Variants in GRIK1 observed in about 807,000 individuals in gnomAD.
The protein encoded by GRIK1 is glutamate receptor ionotropic, kainate 1.
Under a neutral mutation model 105.7 loss-of-function variants are expected in GRIK1, and 69 were observed. The observed-to-expected ratio is 0.65, with a 90% CI of 0.54 to 0.80. The LOEUF is 0.80. Ranked by LOEUF, GRIK1 falls within the 30% of genes least tolerant of loss-of-function variation. GRIK1 has a pLI of 0.00. For missense variants in GRIK1, 1,109 were observed against 1,167.3 expected, an observed-to-expected ratio of 0.95 and a Z score of 0.73; for synonymous variants, 438 against 431.3, an observed-to-expected ratio of 1.02 and a Z score of -0.19.
intron 3 of GRIK1, among the ~76,000 whole-genome samples, chr21:29,678,553 G>A (rs1177360901): frequency 6.6e-6 from 1 of 152,126 alleles, no homozygotes; most frequent in Admixed American, 6.5e-5. Flanking sequence ...TCTAAATATT[G>A]GTTTCCTGGG....
chr21:29,866,465 A>G (rs558536075), intron 1 of GRIK1, among the ~76,000 whole-genome samples: 1 of 152,204 alleles, frequency 6.6e-6, no homozygotes, highest in African/African-American at 2.4e-5. Flanking sequence ...AATGGAAGTT[A>G]GAAACAAAAT....
At position 29,781,798 on chromosome 21, in the gene GRIK1, G is replaced by A. The variant is rs2066116161; in HGVS notation, c.119-87735C>T. ...CCATTCTCCTGCCTCAGCCTCCCCA[G>A]TAGCTGGGACTACAGGCGCCCGCCA... On this transcript the variant is annotated intron_variant, in intron 1 of 17. Transcript: ENST00000327783. Among the ~76,000 whole-genome samples the A allele has an allele frequency of 3.5e-5, 5 of 143,944 alleles. No homozygotes were observed. In the South Asian group the frequency reaches 1.2e-3, roughly 35 times the overall value. 94.4% of individuals were successfully genotyped at this position (143,944 alleles called of 152,430 possible).
At chr21:29,580,676 T>G (rs1455148861) in intron 13 of GRIK1, among the ~76,000 whole-genome samples, 1 of 152,130 alleles carries the variant, frequency 6.6e-6, no homozygotes, top group Non-Finnish European at 1.5e-5. Flanking sequence ...ACACAACAGT[T>G]TCTGTGACTT....
At chr21:29,706,393 C>T (rs73354517) in intron 1 of GRIK1, among the ~76,000 whole-genome samples, 1,792 of 152,228 alleles carry the variant, frequency 0.012, 14 homozygotes, top group African/African-American at 0.025. Context: ...ACATTTACCA[C>T]GACACTTTTC....
intron 3 of GRIK1, 65 bp from the exon 4 acceptor site, chr21:29,673,229 T>C: frequency 8.8e-7 from 1 of 1,139,176 alleles, no homozygotes; most frequent in Non-Finnish European, 1.3e-6. Context: ...TTTATTGCCA[T>C]TTAGTTAAAC....
chr21:29,833,151 T>C (rs1006098902), intron 1 of GRIK1, among the ~76,000 whole-genome samples: 1 of 152,224 alleles, frequency 6.6e-6, no homozygotes, highest in African/African-American at 2.4e-5. Context: ...CCTGATAAGT[T>C]CCTCATCTCC....
chr21:29,735,121 A>G (rs1049032739), intron 1 of GRIK1, among the ~76,000 whole-genome samples: 1 of 152,174 alleles, frequency 6.6e-6, no homozygotes, highest in Non-Finnish European at 1.5e-5. Context: ...CCATCTCCCC[A>G]ACAAGAACAT....
intron 7 of GRIK1, among the ~76,000 whole-genome samples, chr21:29,640,940 T>G (rs765629403): frequency 1.3e-5 from 2 of 152,204 alleles, no homozygotes; most frequent in Non-Finnish European, 2.9e-5. Flanking sequence ...GTTGTTGTTG[T>G]TGTTGTTGCC....
intron 9 of GRIK1, among the ~76,000 whole-genome samples, chr21:29,592,927 T>C (rs1182299598): frequency 2.6e-5 from 4 of 152,182 alleles, no homozygotes; most frequent in Non-Finnish European, 5.9e-5. Flanking sequence ...CTATGCTTGG[T>C]CCCTAAATAT....
intron 1 of GRIK1, among the ~76,000 whole-genome samples, chr21:29,882,665 A>C (rs1227266153): frequency 3.9e-5 from 6 of 152,124 alleles, no homozygotes; most frequent in Admixed American, 3.9e-4. Flanking sequence ...AACCGAAATG[A>C]GGGTCCTTGG....
chr21:29,643,504 A>G (rs962520431), intron 6 of GRIK1, among the ~76,000 whole-genome samples: 2 of 152,244 alleles, frequency 1.3e-5, no homozygotes, highest in African/African-American at 4.8e-5. Flanking sequence ...CATGGAATGA[A>G]ACTCAACGGC....
chr21:29,830,313 ACACAC>A (rs1290614965), intron 1 of GRIK1, among the ~76,000 whole-genome samples: 10,829 of 114,576 alleles, frequency 0.095, 528 homozygotes, highest in Non-Finnish European at 0.11. Context: ...CTCCCCACAC[ACACAC>A]ACACACACAC....
chr21:29,911,827 C>T (rs527822497), intron 1 of GRIK1, among the ~76,000 whole-genome samples: 2 of 152,184 alleles, frequency 1.3e-5, no homozygotes, highest in Non-Finnish European at 2.9e-5. Context: ...TGATCTTGGA[C>T]TTCCCAGCCT....
chr21:29,841,888 C>CA (rs1481649102), intron 1 of GRIK1, among the ~76,000 whole-genome samples: 1 of 152,126 alleles, frequency 6.6e-6, no homozygotes, highest in Non-Finnish European at 1.5e-5. Flanking sequence ...TACCTTCACC[C>CA]AGCTACAAAA....
At chr21:29,906,905 A>G (rs2070659947) in intron 1 of GRIK1, among the ~76,000 whole-genome samples, 2 of 152,076 alleles carry the variant, frequency 1.3e-5, no homozygotes, top group African/African-American at 4.8e-5. Flanking sequence ...ATTCAATACT[A>G]TATGGTGCTT....
At chr21:29,650,795 C>T (rs1312072031) in intron 6 of GRIK1, among the ~76,000 whole-genome samples, 1 of 152,134 alleles carries the variant, frequency 6.6e-6, no homozygotes, top group Non-Finnish European at 1.5e-5. Context: ...CCTCCTCTTC[C>T]CCCACCAGCC....
intron 1 of GRIK1, among the ~76,000 whole-genome samples, chr21:29,865,432 G>A (rs969373374): frequency 2.0e-5 from 3 of 152,126 alleles, no homozygotes; most frequent in Admixed American, 2.0e-4. Context: ...CCATTTACTA[G>A]AATAAATACG....
chr21:29,813,388 A>G (rs2067064654), intron 1 of GRIK1, among the ~76,000 whole-genome samples: 2 of 152,092 alleles, frequency 1.3e-5, no homozygotes, highest in African/African-American at 2.4e-5. Flanking sequence ...TTAAATTACC[A>G]CCTAATTAGA....
At chr21:29,674,228 CAT>C (rs959400970) in intron 3 of GRIK1, among the ~76,000 whole-genome samples, 39 of 150,986 alleles carry the variant, frequency 2.6e-4, no homozygotes, top group African/African-American at 7.3e-4. Flanking sequence ...GTCAAAGTCA[CAT>C]TTTTCTTTTT....
Sources: allele counts gnomAD v4.1 joint callset (sites outside exome capture counted in the v4.1 genomes callset), GRCh38; gene constraint gnomAD v4.1.1; transcripts MANE v1.5; gene names NCBI Gene and HGNC (gene_info 2026-07-23, HGNC 2026-07-21).